The following SCAPER variants were observed in gnomAD, a reference collection of about 807,000 sequenced individuals.
The protein encoded by SCAPER is S-phase cyclin A associated protein in the ER, also known as S phase cyclin A-associated protein in the endoplasmic reticulum.
In SCAPER, 98 loss-of-function variants were observed where a neutral mutation model predicts 182.2. That is an observed-to-expected ratio of 0.54 (90% CI 0.46 to 0.64). SCAPER has a LOEUF of 0.64. Ranked by LOEUF, SCAPER falls within the 30% of genes least tolerant of loss-of-function variation. SCAPER has a pLI of 0.00. For synonymous variants in SCAPER, 605 were observed against 564.6 expected (o/e 1.07, Z -1.01); for missense variants, 1,432 against 1,690.0 (o/e 0.85, Z 2.68).
chr15:76,740,408 A>T (rs1454599917), intron 15 of SCAPER, among the ~76,000 whole-genome samples: 1 of 152,222 alleles, frequency 6.6e-6, no homozygotes, highest in Non-Finnish European at 1.5e-5. Context: ...ATTGACTCAG[A>T]ACATCACCAT....
chr15:76,414,224 A>G (rs1034600145), intron 26 of SCAPER, among the ~76,000 whole-genome samples: 10 of 152,106 alleles, frequency 6.6e-5, no homozygotes, highest in Non-Finnish European at 1.0e-4. Context: ...TTTGTGTATG[A>G]TTGGCATATT....
In SCAPER at chr15:76,786,768, T is replaced by C. The variant is rs142399972; in HGVS notation, c.772+8512A>G. On this transcript the variant is annotated intron_variant, in intron 8 of 31. Transcript: ENST00000563290. ...AATAGAAAATCCCAGAGAATACACA[T>C]AAAAACTCCAAGAATTATATGGGTT... 1.5e-4 allele frequency among the ~76,000 whole-genome samples: 23 copies of C among 152,212 alleles called. No homozygotes were observed. In the East Asian group the frequency reaches 4.2e-3, roughly 28 times the overall value.
At chr15:76,398,719 T>C (rs574290244) in intron 27 of SCAPER, among the ~76,000 whole-genome samples, 2 of 152,354 alleles carry the variant, frequency 1.3e-5, no homozygotes, top group African/African-American at 4.8e-5. Flanking sequence ...AACACAAATA[T>C]ATATAACATC....
At chr15:76,660,762 T>C (rs1325291368) in intron 21 of SCAPER, among the ~76,000 whole-genome samples, 1 of 152,054 alleles carries the variant, frequency 6.6e-6, no homozygotes, top group Non-Finnish European at 1.5e-5. Context: ...AGTATACAAA[T>C]TGGAAAGTAA....
chr15:76,541,228 T>A (rs936660766), intron 23 of SCAPER, among the ~76,000 whole-genome samples: 2 of 136,352 alleles, frequency 1.5e-5, no homozygotes, highest in African/African-American at 5.6e-5. Context: ...TATTAAAAAA[T>A]ATATATCTAA....
At position 76,750,263 on chromosome 15, in the gene SCAPER, T is replaced by C. The variant is rs146492050; in HGVS notation, c.1866+3545A>G. On this transcript the variant is annotated intron_variant, in intron 15 of 31. Transcript: ENST00000563290. ...ATCAAAAAAATTTAGAAAATATGAA[T>C]AGACTTACAACTAGTAAGGACATTG... 9.9e-5 allele frequency among the ~76,000 whole-genome samples: 15 copies of C among 151,824 alleles called. No individual in the cohort carries two copies. In the East Asian group the frequency reaches 2.5e-3, roughly 25 times the overall value.
intron 15 of SCAPER, among the ~76,000 whole-genome samples, chr15:76,735,073 C>G (rs1379243827): frequency 6.6e-6 from 1 of 151,976 alleles, no homozygotes; most frequent in Non-Finnish European, 1.5e-5. Context: ...TGGCAGGGTG[C>G]AGTGGCTCAT....
intron 15 of SCAPER, chr15:76,736,595 C>T (rs1324786902): frequency 6.6e-6 from 1 of 152,328 alleles, no homozygotes; most frequent in Non-Finnish European, 1.5e-5. Context: ...GGAGTAGTTT[C>T]CATCTCAAGA....
chr15:76,738,870 G>A (rs1477087416), intron 15 of SCAPER, among the ~76,000 whole-genome samples: 5 of 152,106 alleles, frequency 3.3e-5, no homozygotes, highest in African/African-American at 7.2e-5. Flanking sequence ...AAGTGAGCAC[G>A]TGTTGTTGGA....
chr15:76,852,589 T>A (rs2070868015), intron 4 of SCAPER, among the ~76,000 whole-genome samples: 1 of 152,102 alleles, frequency 6.6e-6, no homozygotes, highest in African/African-American at 2.4e-5. Flanking sequence ...TTGAATGAAT[T>A]CTGAGTAAAT....
intron 22 of SCAPER, among the ~76,000 whole-genome samples, chr15:76,607,386 G>C (rs1007207820): frequency 6.6e-6 from 1 of 152,218 alleles, no homozygotes; most frequent in African/African-American, 2.4e-5. Flanking sequence ...TGAGAGATCA[G>C]CTGTTCATCT....
At chr15:76,567,625 TAA>T (rs1434298862) in intron 23 of SCAPER, among the ~76,000 whole-genome samples, 1 of 152,194 alleles carries the variant, frequency 6.6e-6, no homozygotes, top group Non-Finnish European at 1.5e-5. Flanking sequence ...TCCTGATTAT[TAA>T]AGAGGTTGAC....
At chr15:76,736,921 A>G (rs2061302701) in intron 15 of SCAPER, 1 of 154,424 alleles carries the variant, frequency 6.5e-6, no homozygotes, top group Non-Finnish European at 1.4e-5. Context: ...GACTGCAGCA[A>G]TTCAGTCACA....
intron 27 of SCAPER, 59 bp from the exon 28 acceptor site, chr15:76,381,674 T>C (rs1596362921): frequency 7.5e-7 from 1 of 1,332,630 alleles, no homozygotes; most frequent in Non-Finnish European, 1.0e-6. Context: ...TAGCAATTTG[T>C]ATAGGTTAAA....
chr15:76,683,486 AG>A lies in SCAPER; in HGVS notation c.2509-17698del, dbSNP rs1270255277. On this transcript the variant is annotated intron_variant, in intron 20 of 31. Coordinates refer to ENST00000563290, the MANE Select transcript of SCAPER (RefSeq NM_020843.4). Reference sequence around the variant, plus strand: ...CATGCAAATATGGAAAATATATCTGAGGGTTATCATCCATGAAAATTTCCCT... The same window carrying A: ...CATGCAAATATGGAAAATATATCTGAGGTTATCATCCATGAAAATTTCCCT... Among the ~76,000 whole-genome samples, 7 of 152,234 alleles carry A rather than the reference AG, an allele frequency of 4.6e-5. 1 individual carries two copies. Among genetic ancestry groups the A allele is most frequent in the African/African-American group, 1.7e-4 (7 of 41,544 alleles).
chr15:76,652,369 C>CATATATAGAT, intron 21 of SCAPER, among the ~76,000 whole-genome samples: 1 of 13,702 alleles, frequency 7.3e-5, no homozygotes, highest in East Asian at 2.8e-3. Context: ...CACACACACA[C>CATATATAGAT]ACATATATAT....
At chr15:76,428,561 T>C (rs2046599802) in intron 26 of SCAPER, among the ~76,000 whole-genome samples, 1 of 152,000 alleles carries the variant, frequency 6.6e-6, no homozygotes, top group Non-Finnish European at 1.5e-5. Context: ...CACTCAAGTG[T>C]GTAATCTATA....
rs766612432 is a variant in SCAPER at position 76,515,777 on chromosome 15, C to T, written c.2839-10803G>A. Among the ~76,000 whole-genome samples, 42 of 152,032 alleles carry T rather than the reference C, an allele frequency of 2.8e-4. 1 individual carries two copies. The highest frequency in any genetic ancestry group is 6.2e-4 in the South Asian group (3 of 4,830). ...AACAGCTGGAATTATGTTTATATTG[C>T]GTCTAGCAAAAAGCAGGTGTTCAAT... On this transcript the variant is annotated intron_variant, in intron 23 of 31. Transcript: ENST00000563290.
At chr15:76,498,771 G>C (rs1445807674) in intron 24 of SCAPER, among the ~76,000 whole-genome samples, 1 of 152,166 alleles carries the variant, frequency 6.6e-6, no homozygotes, top group Non-Finnish European at 1.5e-5. Context: ...GCCAAGTAAA[G>C]TCACAAGTTT....
Sources: allele counts gnomAD v4.1 joint callset (sites outside exome capture counted in the v4.1 genomes callset), GRCh38; gene constraint gnomAD v4.1.1; transcripts MANE v1.5; gene names NCBI Gene and HGNC (gene_info 2026-07-23, HGNC 2026-07-21).